ARHGEF28: variants seen among roughly 807,000 people sequenced by gnomAD.
ARHGEF28 encodes Rho guanine nucleotide exchange factor 28, also known as 190 kDa guanine nucleotide exchange factor.
ARHGEF28 carries 152 observed loss-of-function variants against 206.6 expected under a neutral mutation model. The ratio of observed to expected loss-of-function variants is 0.74; its 90% CI spans 0.64 to 0.84. ARHGEF28 has a LOEUF of 0.84. ARHGEF28 is among the 40% of genes least tolerant of loss of function. The pLI is 0.00. For missense variants in ARHGEF28, 2,028 were observed against 2,073.2 expected, an observed-to-expected ratio of 0.98 and a Z score of 0.42; for synonymous variants, 763 against 776.4, an observed-to-expected ratio of 0.98 and a Z score of 0.29.
chr5:73,653,559 C>T (rs1031197761), intron 1 of ARHGEF28, among the ~76,000 whole-genome samples: 1 of 152,192 alleles, frequency 6.6e-6, no homozygotes, highest in Non-Finnish European at 1.5e-5. Flanking sequence ...TCTCTCGTCT[C>T]AGCTTCTGCC....
intron 2 of ARHGEF28, among the ~76,000 whole-genome samples, chr5:73,741,439 A>G (rs1337402680): frequency 5.0e-5 from 5 of 99,348 alleles, no homozygotes; most frequent in Non-Finnish European, 9.7e-5. Context: ...ATATATATAT[A>G]TATGTATACT....
intron 1 of ARHGEF28, among the ~76,000 whole-genome samples, chr5:73,650,912 G>T (rs1057404565): frequency 2.0e-5 from 3 of 152,162 alleles, no homozygotes; most frequent in Non-Finnish European, 4.4e-5. Context: ...GCCTCCCAAA[G>T]TTATAAATAC....
intron 4 of ARHGEF28, among the ~76,000 whole-genome samples, chr5:73,769,691 C>T (rs112851143): frequency 6.6e-6 from 1 of 152,228 alleles, no homozygotes; most frequent in Non-Finnish European, 1.5e-5. Context: ...ACTGGATTTG[C>T]GTTAGTTTCT....
Position 73,904,401 on chromosome 5 carries a change from T to A in ARHGEF28, c.4157T>A (p.Leu1386His). Reference protein sequence around the residue: ...IQNLTRLLYSLQAALTIQDSH... With the variant: ...IQNLTRLLYSHQAALTIQDSH... The stretch of plus-strand genomic sequence containing the variant: ...AATTTAACCCGTCTCTTATACAGCC[T>A]TCAGGTAACTATCCTCCTCTAATCT... Residue 1386 changes from leucine (L) to histidine (H), a missense_variant, in exon 33 of 36, where the codon CTT becomes CAT. Leu to His is a moderately conservative substitution (Grantham distance 99). Transcript: ENST00000513042. The A allele has an allele frequency of 6.2e-7, 1 of 1,610,102 alleles. No individual in the cohort carries two copies.
intron 2 of ARHGEF28, among the ~76,000 whole-genome samples, chr5:73,740,680 G>A (rs1751326418): frequency 6.6e-6 from 1 of 152,124 alleles, no homozygotes; most frequent in South Asian, 2.1e-4. Context: ...TTCTTCATAT[G>A]ACAGCATGCT....
chr5:73,684,766 T>C (rs1043069303), intron 1 of ARHGEF28, 75 bp from the exon 2 acceptor site: 2 of 1,323,288 alleles, frequency 1.5e-6, no homozygotes, highest in South Asian at 1.4e-5. Context: ...ACAATATTGA[T>C]AACTGGAGAG....
Position 73,798,613 on chromosome 5 carries a change from T to C in ARHGEF28, c.1024+3222T>C, listed in dbSNP as rs975068776. The stretch of plus-strand genomic sequence containing the variant: ...CAGTTGAAGGGCTAAGATCTGCTTC[T>C]GTTGCTATCATAGTGCAGAGTGGGA... On this transcript the variant is annotated intron_variant, in intron 9 of 35. Transcript: ENST00000513042. 1.8e-4 allele frequency among the ~76,000 whole-genome samples: 28 copies of C among 152,204 alleles called. 1 individual carries two copies. The highest frequency in any genetic ancestry group is 6.0e-4 in the African/African-American group (25 of 41,446).
intron 2 of ARHGEF28, among the ~76,000 whole-genome samples, chr5:73,738,972 G>A (rs1751192045): frequency 6.6e-6 from 1 of 152,166 alleles, no homozygotes; most frequent in Non-Finnish European, 1.5e-5. Flanking sequence ...GCTTGTTTGA[G>A]ACATGAACCA....
intron 26 of ARHGEF28, among the ~76,000 whole-genome samples, chr5:73,889,821 G>A (rs1580054771): frequency 6.6e-6 from 1 of 152,234 alleles, no homozygotes; most frequent in Non-Finnish European, 1.5e-5. Flanking sequence ...TCTGTGCCCT[G>A]TCTCAAAGAT....
At chr5:73,815,682 A>T (rs1401811322) in intron 9 of ARHGEF28, among the ~76,000 whole-genome samples, 1 of 152,204 alleles carries the variant, frequency 6.6e-6, no homozygotes, top group Non-Finnish European at 1.5e-5. Flanking sequence ...CCAGTGGAGA[A>T]CTTTGAGAAT....
chr5:73,866,728 C>T (rs927184578), intron 18 of ARHGEF28, among the ~76,000 whole-genome samples: 2 of 152,170 alleles, frequency 1.3e-5, no homozygotes, highest in African/African-American at 4.8e-5. Flanking sequence ...CAGTTCTTTA[C>T]ATTGCATACA....
chr5:73,857,484 G>C (rs1579995084), intron 14 of ARHGEF28, among the ~76,000 whole-genome samples, 172 bp from the exon 15 acceptor site: 1 of 151,376 alleles, frequency 6.6e-6, no homozygotes, highest in Non-Finnish European at 1.5e-5. Context: ...TTATGCTATA[G>C]GGTGTATTTT....
intron 16 of ARHGEF28, among the ~76,000 whole-genome samples, chr5:73,862,640 T>C (rs1759464708): frequency 6.6e-6 from 1 of 152,190 alleles, no homozygotes; most frequent in Non-Finnish European, 1.5e-5. Context: ...AATAATTTAA[T>C]ATCTTTTTAT....
chr5:73,900,422 G>A (rs767259918), intron 30 of ARHGEF28: 1 of 152,130 alleles, frequency 6.6e-6, no homozygotes, highest in Non-Finnish European at 1.5e-5. Context: ...GAGTTCACAT[G>A]GGTAAAGAAA....
At chr5:73,782,163 G>C (rs574283000) in intron 7 of ARHGEF28, among the ~76,000 whole-genome samples, 36 of 151,276 alleles carry the variant, frequency 2.4e-4, no homozygotes, top group African/African-American at 8.5e-4. Flanking sequence ...TCTTGGCTGG[G>C]CACGGTGGCT....
In ARHGEF28 at chr5:73,773,909, A is replaced by G. The variant is rs1330284121; in HGVS notation, c.530A>G (p.Lys177Arg). 1 of 1,609,274 alleles carries G rather than the reference A, an allele frequency of 6.2e-7. No homozygotes were observed. Among genetic ancestry groups the G allele is most frequent in the Admixed American group, 1.7e-5 (1 of 59,474 alleles). Residue 177 changes from lysine to arginine, a missense_variant, in exon 5 of 36, where the codon AAA becomes AGA. By Grantham distance (26) the Lys-to-Arg change is conservative. This residue lies in a region of ARHGEF28 where 1,002 missense variants were observed against 1,015.3 expected (regional missense o/e 0.99). Transcript: ENST00000513042. Reference sequence around the variant, plus strand: ...CTGGCTATGAGATGGGGCCTGGCTAAACTTTCCCAGTTCTTCTTGTGTCTC... The same window carrying G: ...CTGGCTATGAGATGGGGCCTGGCTAGACTTTCCCAGTTCTTCTTGTGTCTC... The part of the protein sequence containing the change: ...LHLAMRWGLA[K>R]LSQFFLCLPG...
chr5:73,674,618 T>A (rs763806774), intron 1 of ARHGEF28, among the ~76,000 whole-genome samples: 73 of 152,230 alleles, frequency 4.8e-4, no homozygotes, highest in South Asian at 4.1e-4. Flanking sequence ...ATGAGGTGAC[T>A]GGTGGCTGGC....
At chr5:73,846,585 T>TG (rs1758379809) in intron 12 of ARHGEF28, 110 bp downstream of exon 12, 5 of 967,346 alleles carry the variant, frequency 5.2e-6, no homozygotes, top group Non-Finnish European at 7.1e-6. Context: ...ACATATGAAC[T>TG]ATTTTTTTGA....
At position 73,769,872 on chromosome 5, in the gene ARHGEF28, A is replaced by C. The variant is rs905704086; in HGVS notation, c.476-3983A>C. Among the ~76,000 whole-genome samples, 9 of 152,346 alleles carry C rather than the reference A, an allele frequency of 5.9e-5. 1 individual carries two copies. Among genetic ancestry groups the C allele is most frequent in the Admixed American group, 5.9e-4 (9 of 15,298 alleles). ...TTAGGTTCATGGCAAAATTGAGTGG[A>C]AGATACAGATATTTCCCATATATTC... is the stretch of plus-strand genomic sequence containing the variant. On this transcript the variant is annotated intron_variant, in intron 4 of 35. Coordinates refer to ENST00000513042, the MANE Select transcript of ARHGEF28 (RefSeq NM_001177693.2).
Sources: gnomAD v4.1 joint callset for allele counts (sites outside exome capture counted in the v4.1 genomes callset) on GRCh38, gnomAD v4.1.1 for gene constraint, gnomAD v4.1.1 regional missense constraint, MANE v1.5 for transcripts, NCBI Gene and HGNC (gene_info 2026-07-23, HGNC 2026-07-21) for gene names.